The following MIER1 variants were observed in gnomAD, a reference collection of about 807,000 sequenced individuals.
The protein encoded by MIER1 is mesoderm induction early response protein 1.
Under a neutral mutation model 75.7 loss-of-function variants are expected in MIER1, and 40 were observed. That is an observed-to-expected ratio of 0.53 (90% CI 0.41 to 0.69). MIER1 has a LOEUF of 0.69. Among genes scored for constraint, MIER1 ranks in the 30% least tolerant of loss-of-function variants. MIER1 has a pLI of 0.00. For synonymous variants in MIER1, 213 were observed against 223.4 expected, an observed-to-expected ratio of 0.95 and a Z score of 0.42; for missense variants, 574 against 680.2, an observed-to-expected ratio of 0.84 and a Z score of 1.74.
At chr1:66,935,824 A>G (rs1054785015) in intron 2 of MIER1, among the ~76,000 whole-genome samples, 1 of 152,006 alleles carries the variant, frequency 6.6e-6, no homozygotes, top group African/African-American at 2.4e-5. Flanking sequence ...TTTGGCATTT[A>G]TTTCTCTATC....
chr1:66,987,483 A>G lies in MIER1; in HGVS notation c.*2583A>G, dbSNP rs1325270951. Reference sequence around the variant, plus strand: ...TTTCAAATAGAGTTCAGGATCTGCAATTCAGTTCAACACAAGTTTGTTGAG... The same window carrying G: ...TTTCAAATAGAGTTCAGGATCTGCAGTTCAGTTCAACACAAGTTTGTTGAG... On this transcript the variant is annotated 3_prime_UTR_variant, in exon 14 of 14. Transcript: ENST00000401041. 2 of 152,722 alleles carry G rather than the reference A, an allele frequency of 1.3e-5. No individual in the cohort carries two copies. Among genetic ancestry groups the G allele is most frequent in the African/African-American group, 2.4e-5 (1 of 41,460 alleles). 9.5% of individuals were successfully genotyped at this position (152,722 alleles called of 1,614,324 possible). A position where few individuals can be genotyped will look rare whatever the true frequency, so the allele number is the denominator to read the frequency against.
At chr1:66,934,118 A>G (rs531238522) in intron 2 of MIER1, among the ~76,000 whole-genome samples, 1 of 152,214 alleles carries the variant, frequency 6.6e-6, no homozygotes, top group Non-Finnish European at 1.5e-5. Flanking sequence ...GTTTTTGCAA[A>G]TTGAGATTTT....
chr1:66,987,012 A>G lies in MIER1; in HGVS notation c.*2112A>G, dbSNP rs1666868081. The G allele has an allele frequency of 6.6e-6, 1 of 152,362 alleles. No individual in the cohort carries two copies. The highest frequency in any genetic ancestry group is 1.9e-4 in the East Asian group (1 of 5,338). The allele number at this position is 152,362 out of a possible 1,614,324, so 9.4% of individuals were successfully genotyped here. On this transcript the variant is annotated 3_prime_UTR_variant, in exon 14 of 14. Transcript: ENST00000401041. The stretch of plus-strand genomic sequence containing the variant: ...TTTGCAGGTTTGTGAAGTTCTTGCA[A>G]ACTCTTACTACAGAAATGTTTTAAA...
At chr1:66,947,288 C>T (rs1004595861) in intron 4 of MIER1, 9 of 152,256 alleles carry the variant, frequency 5.9e-5, no homozygotes, top group African/African-American at 2.2e-4. Context: ...TATTTCCTGT[C>T]TCCAGTTTTG....
chr1:66,941,970 CAAA>C (rs10627197), intron 3 of MIER1, among the ~76,000 whole-genome samples: 1 of 130,426 alleles, frequency 7.7e-6, no homozygotes. Flanking sequence ...CTCCTTCTCT[CAAA>C]AAAAAAAAAA....
chr1:66,958,598 A>T (rs1301266018), intron 5 of MIER1, among the ~76,000 whole-genome samples: 1 of 152,080 alleles, frequency 6.6e-6, no homozygotes, highest in Non-Finnish European at 1.5e-5. Context: ...ACGTTCCTGT[A>T]TACTCTTACC....
chr1:66,977,589 A>G (rs1340887320), intron 12 of MIER1, among the ~76,000 whole-genome samples: 1 of 152,156 alleles, frequency 6.6e-6, no homozygotes, highest in Non-Finnish European at 1.5e-5. Flanking sequence ...TGATATGCCT[A>G]ATTTATTCCC....
intron 4 of MIER1, among the ~76,000 whole-genome samples, chr1:66,952,827 C>T (rs1659278216): frequency 1.3e-5 from 2 of 152,082 alleles, no homozygotes; most frequent in South Asian, 4.1e-4. Context: ...GTATTTTTTA[C>T]ATGGACGGTG....
At position 66,967,010 on chromosome 1, in the gene MIER1, T is replaced by C. The variant is rs187232025; in HGVS notation, c.773-3798T>C. On this transcript the variant is annotated intron_variant, in intron 8 of 13. Transcript: ENST00000401041. The stretch of plus-strand genomic sequence containing the variant: ...TTTGCTGTGCAAAAGCTTGTTAACT[T>C]AATATGATCCTATTTGTCTATTTTT... 1.1e-4 allele frequency among the ~76,000 whole-genome samples: 17 copies of C among 152,320 alleles called. No individual in the cohort carries two copies. In the East Asian group the frequency reaches 3.3e-3, roughly 29 times the overall value.
Position 66,929,028 on chromosome 1 carries a change from T to A in MIER1, c.168+2786T>A, listed in dbSNP as rs898653555. On this transcript the variant is annotated intron_variant, in intron 2 of 13. Coordinates refer to ENST00000401041, the MANE Select transcript of MIER1 (RefSeq NM_001077700.3). ...AAATGCAGTTTATTCATGCACAGAT[T>A]ATTATTGGACATAACAGTTTCAAAT... is the stretch of plus-strand genomic sequence containing the variant. 6 of 967,328 alleles carry A rather than the reference T, an allele frequency of 6.2e-6. No homozygotes were observed. The Admixed American group carries it at 1.1e-4, about 18-fold the overall frequency. The allele number at this position is 967,328 out of a possible 1,614,324, so 59.9% of individuals were successfully genotyped here.
chr1:66,950,838 ATC>A (rs35686197), intron 4 of MIER1, among the ~76,000 whole-genome samples: 118,829 of 151,998 alleles, frequency 0.78, 46,788 homozygotes, highest in East Asian at 0.88. Flanking sequence ...CTTAGGAACC[ATC>A]TCTCTAGTTC....
chr1:66,934,723 T>G (rs937760033), intron 2 of MIER1, among the ~76,000 whole-genome samples: 7 of 152,210 alleles, frequency 4.6e-5, no homozygotes, highest in African/African-American at 1.7e-4. Context: ...ATTTTACTTC[T>G]GAATTATTAA....
intron 4 of MIER1, among the ~76,000 whole-genome samples, chr1:66,952,795 C>T (rs1220627489): frequency 6.6e-6 from 1 of 152,166 alleles, no homozygotes; most frequent in Admixed American, 6.5e-5. Flanking sequence ...GCATGCGCTG[C>T]CACACCCAGC....
Position 66,986,147 on chromosome 1 carries a change from A to G in MIER1, c.*1247A>G, listed in dbSNP as rs78171952. The G allele has an allele frequency of 8.4e-3, 9,775 of 1,170,290 alleles. 51 individuals are homozygous for G. Among genetic ancestry groups the G allele is most frequent in the Non-Finnish European group, 9.0e-3 (8,523 of 949,152 alleles). The allele number at this position is 1,170,290 out of a possible 1,614,324, so 72.5% of individuals were successfully genotyped here. ...TTTTATGAAGAGAAAGTGAAGTTTGAAAACTTTTCAAACTTTTCTAGTTAC... is the reference window on the plus strand; with the variant it reads ...TTTTATGAAGAGAAAGTGAAGTTTGGAAACTTTTCAAACTTTTCTAGTTAC... On this transcript the variant is annotated 3_prime_UTR_variant, in exon 14 of 14. Coordinates refer to ENST00000401041, the MANE Select transcript of MIER1 (RefSeq NM_001077700.3).
chr1:66,948,159 C>G, intron 4 of MIER1: 1 of 885,660 alleles, frequency 1.1e-6, no homozygotes, highest in African/African-American at 1.8e-5. Flanking sequence ...TTCATGGTAC[C>G]TTGCAAGAGT....
chr1:66,969,796 C>T (rs1663239428), intron 8 of MIER1, among the ~76,000 whole-genome samples: 1 of 152,130 alleles, frequency 6.6e-6, no homozygotes, highest in Non-Finnish European at 1.5e-5. Flanking sequence ...CCTATCTCCA[C>T]CATCATAACT....
chr1:66,928,773 T>G (rs1652419731), intron 2 of MIER1: 2 of 590,256 alleles, frequency 3.4e-6, no homozygotes, highest in African/African-American at 1.9e-5. Flanking sequence ...TTTATATAAG[T>G]TTTCTAAAAA....
chr1:66,954,617 C>T (rs1659706783), intron 4 of MIER1, among the ~76,000 whole-genome samples: 1 of 152,124 alleles, frequency 6.6e-6, no homozygotes, highest in African/African-American at 2.4e-5. Flanking sequence ...GCACTGTGAT[C>T]AGGCTACTTT....
At chr1:66,971,043 C>A in intron 9 of MIER1, 84 bp downstream of exon 9, 1 of 1,297,298 alleles carries the variant, frequency 7.7e-7, no homozygotes, top group Non-Finnish European at 1.0e-6. Flanking sequence ...GTTATTCTGT[C>A]CACCAAACTT....
Sources: gnomAD v4.1 joint callset for allele counts (sites outside exome capture counted in the v4.1 genomes callset) on GRCh38, gnomAD v4.1.1 for gene constraint, MANE v1.5 for transcripts, NCBI Gene and HGNC (gene_info 2026-07-23, HGNC 2026-07-21) for gene names.